Variants in FCHSD2 observed in about 807,000 individuals in gnomAD.
FCHSD2 encodes the protein F-BAR and double SH3 domains protein 2.
Under a neutral mutation model 108.1 loss-of-function variants are expected in FCHSD2, and 38 were observed. The observed-to-expected ratio is 0.35, with a 90% CI of 0.27 to 0.46. The LOEUF (loss-of-function observed/expected upper bound fraction) is 0.46. FCHSD2 is among the 20% of genes least tolerant of loss of function. The pLI, the probability that FCHSD2 is intolerant of heterozygous loss-of-function variation, is 1.00. For missense variants in FCHSD2, 751 were observed against 897.8 expected, an observed-to-expected ratio of 0.84 and a Z score of 2.09; for synonymous variants, 279 against 314.7, an observed-to-expected ratio of 0.89 and a Z score of 1.20.
In FCHSD2 at chr11:73,002,431, T is replaced by C. The variant is rs367685737; in HGVS notation, c.243-1297A>G. The stretch of plus-strand genomic sequence containing the variant: ...AGAGCAGCAAAACGAATGCTCTCCA[T>C]GGCCTCACTGCATGACAACCAATGG... On this transcript the variant is annotated intron_variant, in intron 4 of 19. Coordinates refer to ENST00000409418, the MANE Select transcript of FCHSD2 (RefSeq NM_014824.3). 4.6e-5 allele frequency among the ~76,000 whole-genome samples: 7 copies of C among 152,190 alleles called. No individual in the cohort carries two copies. The South Asian group carries it at 1.2e-3, about 27-fold the overall frequency.
Position 73,109,977 on chromosome 11 carries a change from G to A in FCHSD2, c.120-26237C>T, listed in dbSNP as rs1286723560. Among the ~76,000 whole-genome samples, 6 of 152,060 alleles carry A rather than the reference G, an allele frequency of 3.9e-5. No homozygotes were observed. In the South Asian group the frequency reaches 8.3e-4, roughly 21 times the overall value. The stretch of plus-strand genomic sequence containing the variant: ...TCATATGGTTTTTCATTCTTGATAC[G>A]ATGTATCATACTGACTGATTTGCAT... On this transcript the variant is annotated intron_variant, in intron 2 of 19. Coordinates refer to ENST00000409418, the MANE Select transcript of FCHSD2 (RefSeq NM_014824.3).
chr11:73,084,847 C>T (rs1397945859), intron 2 of FCHSD2, among the ~76,000 whole-genome samples: 2 of 151,632 alleles, frequency 1.3e-5, no homozygotes, highest in Non-Finnish European at 2.9e-5. Context: ...GTACTACTGA[C>T]AATTTACCTT....
At chr11:73,132,118 T>C (rs75285179) in intron 2 of FCHSD2, among the ~76,000 whole-genome samples, 5,081 of 152,316 alleles carry the variant, frequency 0.033, 130 homozygotes, top group Middle Eastern at 0.071. Context: ...GAAGAGGCAA[T>C]GACAACTGCA....
Position 72,842,676 on chromosome 11 carries a change from A to G in FCHSD2, c.1871T>C (p.Val624Ala), listed in dbSNP as rs1207569365. Reference protein sequence around the residue: ...GRIGVFPSVLVEELSASENGD... With the variant: ...GRIGVFPSVLAEELSASENGD... ...ATTTTCTGAGGCTGAAAGTTCTTCCACTAGCACCGATGGGAAAACTCCAAT... is the reference window on the plus strand; with the variant it reads ...ATTTTCTGAGGCTGAAAGTTCTTCCGCTAGCACCGATGGGAAAACTCCAAT... Residue 624 changes from valine to alanine, a missense_variant, in exon 17 of 20, where the codon GTG (valine) becomes GCG (alanine). Coordinates refer to ENST00000409418, the MANE Select transcript of FCHSD2 (RefSeq NM_014824.3). The G allele has an allele frequency of 6.2e-7, 1 of 1,613,976 alleles. No homozygotes were observed. Among genetic ancestry groups the G allele is most frequent in the East Asian group, 2.2e-5 (1 of 44,884 alleles).
At chr11:72,920,519 C>T (rs2135309279) in intron 9 of FCHSD2, among the ~76,000 whole-genome samples, 1 of 152,228 alleles carries the variant, frequency 6.6e-6, no homozygotes, top group East Asian at 1.9e-4. Context: ...GCGGGTGGAC[C>T]ACTTGAGGCC....
chr11:72,975,646 T>A (rs1410250597), intron 8 of FCHSD2, among the ~76,000 whole-genome samples: 1 of 152,208 alleles, frequency 6.6e-6, no homozygotes, highest in South Asian at 2.1e-4. Flanking sequence ...ATAGTTATTA[T>A]GTATCAATTT....
intron 8 of FCHSD2, among the ~76,000 whole-genome samples, chr11:72,936,456 G>T (rs1223376777): frequency 6.6e-6 from 1 of 152,000 alleles, no homozygotes; most frequent in Non-Finnish European, 1.5e-5. Flanking sequence ...GGTTGCCTGG[G>T]AATTATCAGT....
chr11:72,948,965 T>C (rs991866206), intron 8 of FCHSD2, among the ~76,000 whole-genome samples: 3 of 151,766 alleles, frequency 2.0e-5, no homozygotes, highest in African/African-American at 7.3e-5. Flanking sequence ...GCACCCAGCA[T>C]AATTTTCATT....
rs142199416 is a variant in FCHSD2 at position 72,914,556 on chromosome 11, A to G, written c.828+7272T>C. Among the ~76,000 whole-genome samples, 33 of 152,336 alleles carry G rather than the reference A, an allele frequency of 2.2e-4. 1 individual carries two copies. The East Asian group carries it at 6.0e-3, about 28-fold the overall frequency. ...CAACAGACACATAGACCAATGAAAC[A>G]GAATAGAGAACCCAGAAATAAGACC... is the stretch of plus-strand genomic sequence containing the variant. On this transcript the variant is annotated intron_variant, in intron 9 of 19. Transcript: ENST00000409418.
chr11:72,901,990 T>C (rs1048446447), intron 10 of FCHSD2, among the ~76,000 whole-genome samples: 1 of 152,116 alleles, frequency 6.6e-6, no homozygotes, highest in Non-Finnish European at 1.5e-5. Flanking sequence ...TTCTCCTGCT[T>C]TAGCCTCCTG....
chr11:72,891,205 T>C (rs1313685010), intron 10 of FCHSD2, among the ~76,000 whole-genome samples: 1 of 152,186 alleles, frequency 6.6e-6, no homozygotes, highest in Admixed American at 6.6e-5. Flanking sequence ...GTGTTCAAAT[T>C]AGAGGGATGA....
intron 2 of FCHSD2, among the ~76,000 whole-genome samples, chr11:73,107,470 G>A (rs953490022): frequency 2.6e-4 from 39 of 152,058 alleles, no homozygotes. Context: ...GGTATCCATC[G>A]CCTCAAGCAT....
At chr11:73,099,041 C>T (rs186190641) in intron 2 of FCHSD2, among the ~76,000 whole-genome samples, 23 of 152,236 alleles carry the variant, frequency 1.5e-4, no homozygotes, top group African/African-American at 4.6e-4. Flanking sequence ...TAGTAAGACA[C>T]CATCTCTACA....
chr11:72,947,145 C>T (rs1291434510), intron 8 of FCHSD2, among the ~76,000 whole-genome samples: 2 of 152,234 alleles, frequency 1.3e-5, no homozygotes, highest in Non-Finnish European at 2.9e-5. Flanking sequence ...AACAACAATG[C>T]TGTAGGTACG....
At chr11:73,085,654 T>C (rs1210256302) in intron 2 of FCHSD2, among the ~76,000 whole-genome samples, 2 of 152,054 alleles carry the variant, frequency 1.3e-5, no homozygotes, top group African/African-American at 2.4e-5. Context: ...GAAGACCTGA[T>C]TTTAACACTT....
intron 9 of FCHSD2, among the ~76,000 whole-genome samples, chr11:72,910,827 TAAAAAAAA>T (rs34549479): frequency 8.6e-6 from 1 of 116,626 alleles, no homozygotes; most frequent in African/African-American, 3.1e-5. Flanking sequence ...CAATAAATAC[TAAAAAAAA>T]AAAAAAAAAA....
chr11:72,846,178 GCT>G (rs1393373595), intron 14 of FCHSD2, among the ~76,000 whole-genome samples: 6 of 149,672 alleles, frequency 4.0e-5, no homozygotes, highest in Non-Finnish European at 8.9e-5. Context: ...TCCTCCTTTT[GCT>G]CTTTTTTTTT....
At chr11:73,001,162 T>C in intron 4 of FCHSD2, 28 bp from the exon 5 acceptor site, 1 of 1,608,394 alleles carries the variant, frequency 6.2e-7, no homozygotes, top group Non-Finnish European at 8.5e-7. Context: ...TAGAAAAGCA[T>C]TAGGCAGGGA....
At chr11:72,904,674 A>T (rs2135278235) in intron 9 of FCHSD2, among the ~76,000 whole-genome samples, 2 of 152,348 alleles carry the variant, frequency 1.3e-5, no homozygotes, top group South Asian at 4.1e-4. Context: ...CAAGTTCTCA[A>T]ATTTCCCTGA....
Sources: gnomAD v4.1 joint callset for allele counts (sites outside exome capture counted in the v4.1 genomes callset) on GRCh38, gnomAD v4.1.1 for gene constraint, MANE v1.5 for transcripts, NCBI Gene and HGNC (gene_info 2026-07-23, HGNC 2026-07-21) for gene names.